The following TIAM1 variants were observed in gnomAD, a reference collection of about 807,000 sequenced individuals.
TIAM1 encodes TIAM Rac1 associated GEF 1, also known as rho guanine nucleotide exchange factor TIAM1.
In TIAM1, 65 loss-of-function variants were observed where a neutral mutation model predicts 163.5. The ratio of observed to expected loss-of-function variants is 0.40; its 90% CI spans 0.33 to 0.49. The LOEUF (loss-of-function observed/expected upper bound fraction) is 0.49. Among genes scored for constraint, TIAM1 ranks in the 20% least tolerant of loss-of-function variants. The probability of loss-of-function intolerance (pLI) is 0.77; values close to 1 mark genes in which losing one functional copy is unlikely to be tolerated. For missense variants in TIAM1, 1,789 were observed against 2,044.7 expected (o/e 0.87, Z 2.41); for synonymous variants, 833 against 810.1 (o/e 1.03, Z -0.48).
At chr21:31,145,702 T>A (rs1185088453) in intron 20 of TIAM1, among the ~76,000 whole-genome samples, 1 of 152,166 alleles carries the variant, frequency 6.6e-6, no homozygotes, top group Non-Finnish European at 1.5e-5. Flanking sequence ...GAGACAACTT[T>A]AGAAGTGCTT....
chr21:31,184,011 C>T (rs1218996612), intron 14 of TIAM1, among the ~76,000 whole-genome samples: 1 of 152,154 alleles, frequency 6.6e-6, no homozygotes, highest in African/African-American at 2.4e-5. Flanking sequence ...TGCAGTGGCA[C>T]GATCTTGGCT....
At chr21:31,251,350 C>CTTAT (rs2071793863) in intron 5 of TIAM1, among the ~76,000 whole-genome samples, 1 of 152,076 alleles carries the variant, frequency 6.6e-6, no homozygotes, top group Non-Finnish European at 1.5e-5. Context: ...TAGGTTCTAG[C>CTTAT]TTATTTATTT....
chr21:31,220,479 C>T (rs1461399174), intron 8 of TIAM1, among the ~76,000 whole-genome samples: 1 of 152,056 alleles, frequency 6.6e-6, no homozygotes, highest in East Asian at 1.9e-4. Context: ...GCACATGTAC[C>T]CTAGAACTTA....
intron 8 of TIAM1, among the ~76,000 whole-genome samples, 170 bp downstream of exon 8, chr21:31,223,236 T>C (rs759609551): frequency 1.5e-4 from 23 of 152,148 alleles, no homozygotes; most frequent in Non-Finnish European, 2.6e-4. Flanking sequence ...TTAAGTAATA[T>C]ATTCCAGACA....
chr21:31,238,795 A>AGTAT (rs2071022208), intron 6 of TIAM1, among the ~76,000 whole-genome samples: 1 of 152,228 alleles, frequency 6.6e-6, no homozygotes, highest in African/African-American at 2.4e-5. Context: ...TAGGACAAAT[A>AGTAT]GTATACTCAG....
rs1448729911 is a variant in TIAM1, at chr21:31,213,479, A to G, written c.2143-7T>C. The G allele has an allele frequency of 6.2e-7, 1 of 1,613,766 alleles. No individual in the cohort carries two copies. Among genetic ancestry groups the G allele is most frequent in the Non-Finnish European group, 8.5e-7 (1 of 1,179,822 alleles). On this transcript the variant is annotated splice_region_variant and splice_polypyrimidine_tract_variant and intron_variant, in intron 9 of 27. Transcript: ENST00000541036. The stretch of plus-strand genomic sequence containing the variant: ...CGGTTCCCTCTCCAAACACCTGCAT[A>G]TACAAAAGTACCACCTTAAAAAGGA...
chr21:31,270,396 G>T (rs1447157362), intron 3 of TIAM1, among the ~76,000 whole-genome samples: 1 of 152,078 alleles, frequency 6.6e-6, no homozygotes, highest in Admixed American at 6.5e-5. Context: ...CAGAAAACTG[G>T]TACTAGATCT....
intron 6 of TIAM1, among the ~76,000 whole-genome samples, chr21:31,237,597 T>A (rs779976574): frequency 2.6e-5 from 4 of 152,228 alleles, no homozygotes; most frequent in Admixed American, 6.5e-5. Flanking sequence ...AGTCTTTTAA[T>A]ATGCATACAA....
At chr21:31,179,319 G>A (rs1163223390) in intron 15 of TIAM1, among the ~76,000 whole-genome samples, 1 of 151,626 alleles carries the variant, frequency 6.6e-6, no homozygotes, top group Admixed American at 6.6e-5. Flanking sequence ...CCCAGGAGGC[G>A]GAGGTTGCAG....
Position 31,167,767 on chromosome 21 carries a change from T to C in TIAM1, c.2888-2702A>G, listed in dbSNP as rs902464074. On this transcript the variant is annotated intron_variant, in intron 15 of 27. Transcript: ENST00000541036. ...TAGGACTTGATTGCCACTGTGACAA[T>C]CAAAAATGTACCCACACATTTCCCA... 3.9e-5 allele frequency among the ~76,000 whole-genome samples: 6 copies of C among 152,166 alleles called. No homozygotes were observed. In the East Asian group the frequency reaches 9.7e-4, roughly 25 times the overall value.
intron 1 of TIAM1, among the ~76,000 whole-genome samples, chr21:31,493,090 T>G (rs2046527709): frequency 6.6e-6 from 1 of 152,180 alleles, no homozygotes; most frequent in African/African-American, 2.4e-5. Context: ...CTGACCTTCT[T>G]ACCTTTATTA....
intron 19 of TIAM1, among the ~76,000 whole-genome samples, chr21:31,151,401 G>C (rs1006111540): frequency 1.3e-5 from 2 of 152,206 alleles, no homozygotes; most frequent in African/African-American, 4.8e-5. Flanking sequence ...ATGAGCTCTT[G>C]ATACACACAG....
At chr21:31,136,201 T>C (rs2082614164) in intron 22 of TIAM1, among the ~76,000 whole-genome samples, 160 bp from the exon 23 acceptor site, 1 of 152,236 alleles carries the variant, frequency 6.6e-6, no homozygotes, top group Admixed American at 6.5e-5. Flanking sequence ...TAAGTTAAAC[T>C]GCTGGATTTA....
chr21:31,509,444 G>A (rs1408267852), intron 1 of TIAM1, among the ~76,000 whole-genome samples: 1 of 152,170 alleles, frequency 6.6e-6, no homozygotes, highest in Non-Finnish European at 1.5e-5. Context: ...TGGCACAGGC[G>A]CCACTTCCCA....
At chr21:31,206,870 CA>C (rs139079486) in intron 11 of TIAM1, among the ~76,000 whole-genome samples, 4,714 of 152,186 alleles carry the variant, frequency 0.031, 112 homozygotes, top group Non-Finnish European at 0.04. Flanking sequence ...TTCTAGAAGA[CA>C]TACAAACATG....
intron 2 of TIAM1, among the ~76,000 whole-genome samples, chr21:31,321,674 C>T (rs145867103): frequency 9.2e-4 from 140 of 151,490 alleles, no homozygotes; most frequent in African/African-American, 3.2e-3. Context: ...AAAAATAGTT[C>T]AGGACAGAAT....
chr21:31,439,276 T>C lies in TIAM1; in HGVS notation c.-369+24707A>G, dbSNP rs574224345. The stretch of plus-strand genomic sequence containing the variant: ...AGAATAACAGAAACCTTAAAAGCAT[T>C]GTATTCTTTGTTTTTGTTCGTCTGT... On this transcript the variant is annotated intron_variant, in intron 2 of 28. Transcript: ENST00000286827. Among the ~76,000 whole-genome samples the C allele has an allele frequency of 5.3e-5, 8 of 152,230 alleles. No individual in the cohort carries two copies. In the East Asian group the frequency reaches 1.4e-3, roughly 26 times the overall value.
intron 2 of TIAM1, among the ~76,000 whole-genome samples, chr21:31,281,997 G>A (rs1247302184): frequency 1.3e-5 from 2 of 152,138 alleles, no homozygotes; most frequent in Non-Finnish European, 2.9e-5. Context: ...AAAAAACTTG[G>A]GAATGACTTC....
At chr21:31,162,444 A>C (rs2083973549) in intron 16 of TIAM1, among the ~76,000 whole-genome samples, 1 of 152,194 alleles carries the variant, frequency 6.6e-6, no homozygotes, top group South Asian at 2.1e-4. Flanking sequence ...TTAGCTAACT[A>C]ATTTGAGTTG....
Sources: allele counts gnomAD v4.1 joint callset (sites outside exome capture counted in the v4.1 genomes callset), GRCh38; gene constraint gnomAD v4.1.1; transcripts MANE v1.5; gene names NCBI Gene and HGNC (gene_info 2026-07-23, HGNC 2026-07-21).